Variants in LRRFIP1 observed in about 807,000 individuals in gnomAD.
The protein encoded by LRRFIP1 is LRR binding FLII interacting protein 1, also known as leucine-rich repeat flightless-interacting protein 1.
LRRFIP1 carries 62 observed loss-of-function variants against 104.4 expected under a neutral mutation model. The observed-to-expected ratio is 0.59, with a 90% CI of 0.48 to 0.73. LRRFIP1 has a LOEUF of 0.73. LRRFIP1 is among the 30% of genes least tolerant of loss of function. The probability of loss-of-function intolerance (pLI) is 0.00; values close to 1 mark genes in which losing one functional copy is unlikely to be tolerated. For synonymous variants in LRRFIP1, 300 were observed against 299.0 expected, an observed-to-expected ratio of 1.00 and a Z score of -0.03; for missense variants, 796 against 824.5, an observed-to-expected ratio of 0.97 and a Z score of 0.42.
chr2:237,718,179 G>A (rs2094412782), intron 4 of LRRFIP1, among the ~76,000 whole-genome samples: 1 of 152,254 alleles, frequency 6.6e-6, no homozygotes, highest in Non-Finnish European at 1.5e-5. Flanking sequence ...ACTTTCCAGA[G>A]AACATTCCCA....
intron 1 of LRRFIP1, among the ~76,000 whole-genome samples, chr2:237,669,026 A>T (rs1243380151): frequency 6.6e-6 from 1 of 152,152 alleles, no homozygotes; most frequent in Non-Finnish European, 1.5e-5. Flanking sequence ...GAAAGAAATA[A>T]GCGTAACTCT....
At chr2:237,752,011 G>A (rs2058683842) in intron 14 of LRRFIP1, among the ~76,000 whole-genome samples, 1 of 152,176 alleles carries the variant, frequency 6.6e-6, no homozygotes, top group African/African-American at 2.4e-5. Context: ...AAGGGCACCA[G>A]ACAGAGGAGG....
intron 1 of LRRFIP1, among the ~76,000 whole-genome samples, chr2:237,663,027 C>A (rs1184750232): frequency 6.6e-6 from 1 of 152,144 alleles, no homozygotes; most frequent in Non-Finnish European, 1.5e-5. Flanking sequence ...TCTCTGCCTG[C>A]GGGGTAGCCC....
chr2:237,682,315 C>T (rs1156311066), intron 1 of LRRFIP1, among the ~76,000 whole-genome samples: 2 of 152,236 alleles, frequency 1.3e-5, no homozygotes, highest in Non-Finnish European at 2.9e-5. Context: ...CTGTTACTTG[C>T]AGTCCTCCGG....
intron 1 of LRRFIP1, among the ~76,000 whole-genome samples, chr2:237,670,949 G>A (rs1559510322): frequency 6.6e-6 from 1 of 152,172 alleles, no homozygotes; most frequent in Admixed American, 6.5e-5. Flanking sequence ...GGAGTCCCAC[G>A]GAGGTCGTGA....
At chr2:237,676,899 G>A (rs114794489) in intron 1 of LRRFIP1, among the ~76,000 whole-genome samples, 1,864 of 152,332 alleles carry the variant, frequency 0.012, 27 homozygotes, top group East Asian at 0.047. Context: ...CTGATTTCAC[G>A]TGGAGTCTGT....
chr2:237,759,295 G>C (rs563912714), intron 18 of LRRFIP1, among the ~76,000 whole-genome samples: 1 of 152,084 alleles, frequency 6.6e-6, no homozygotes, highest in Admixed American at 6.6e-5. Context: ...CCACGCCAAG[G>C]CGTCTTCAGC....
chr2:237,727,504 GCTT>G (rs1326359448), intron 7 of LRRFIP1, among the ~76,000 whole-genome samples: 1 of 152,296 alleles, frequency 6.6e-6, no homozygotes, highest in East Asian at 1.9e-4. Flanking sequence ...CTGGCATGTG[GCTT>G]CTTGCAAGCA....
intron 1 of LRRFIP1, among the ~76,000 whole-genome samples, chr2:237,629,870 G>A (rs1009918242): frequency 2.0e-5 from 3 of 152,300 alleles, no homozygotes; most frequent in African/African-American, 4.8e-5. Flanking sequence ...GGGAGATGCA[G>A]TTGGAGTTAC....
intron 1 of LRRFIP1, among the ~76,000 whole-genome samples, chr2:237,694,373 A>G (rs1268530050): frequency 6.6e-6 from 1 of 152,104 alleles, no homozygotes; most frequent in Admixed American, 6.5e-5. Context: ...TCAGAGTGAG[A>G]CATGGTGAAC....
In LRRFIP1 at chr2:237,711,839, C is replaced by G. The variant is rs891815699; in HGVS notation, c.184-2420C>G. On this transcript the variant is annotated intron_variant, in intron 2 of 23. Coordinates refer to ENST00000308482, the MANE Select transcript of LRRFIP1 (RefSeq NM_001137550.2). The surrounding 1 kb of genome is among the most constrained non-coding windows in gnomAD (Gnocchi z 4.4). The stretch of plus-strand genomic sequence containing the variant: ...GGCAGCAGAGGATGGACATGGCAGA[C>G]AGGAAGCTGCCCTGGGAGACGAGAG... 1.2e-4 allele frequency among the ~76,000 whole-genome samples: 19 copies of G among 152,304 alleles called. No individual in the cohort carries two copies. Among genetic ancestry groups the G allele is most frequent in the Admixed American group, 1.1e-3 (17 of 15,300 alleles).
chr2:237,692,135 A>G (rs1323503582), intron 1 of LRRFIP1: 1 of 789,860 alleles, frequency 1.3e-6, no homozygotes, highest in Non-Finnish European at 1.4e-6. Flanking sequence ...GGCCCCTCCG[A>G]GGCGGAACTG....
chr2:237,763,175 C>G, intron 19 of LRRFIP1: 1 of 1,614,094 alleles, frequency 6.2e-7, no homozygotes. Flanking sequence ...CAAGGAGGTT[C>G]CAGCGCACAG....
chr2:237,643,890 T>G (rs1054752594), intron 1 of LRRFIP1, among the ~76,000 whole-genome samples: 7 of 152,238 alleles, frequency 4.6e-5, no homozygotes, highest in Non-Finnish European at 8.8e-5. Context: ...GGGATTTAAT[T>G]TGGCCAGGTG....
At chr2:237,700,380 G>C (rs1221931444) in intron 1 of LRRFIP1, among the ~76,000 whole-genome samples, 3 of 152,146 alleles carry the variant, frequency 2.0e-5, no homozygotes, top group Non-Finnish European at 4.4e-5. Flanking sequence ...GGCTTCGGCT[G>C]CATCATATTC....
In LRRFIP1 at chr2:237,711,092, T is replaced by C. The variant is rs1265320265; in HGVS notation, c.183+2462T>C. Among the ~76,000 whole-genome samples the C allele has an allele frequency of 1.3e-5, 2 of 151,976 alleles. No homozygotes were observed. The highest frequency in any genetic ancestry group is 2.9e-5 in the Non-Finnish European group (2 of 67,986). The stretch of plus-strand genomic sequence containing the variant: ...CTATCTCTTTCAAAAAGTAAAAAAA[T>C]AAAAAGTAGTTGCTACTCCAGATGG... On this transcript the variant is annotated intron_variant, in intron 2 of 23. Transcript: ENST00000308482. The surrounding 1 kb of genome is among the most constrained non-coding windows in gnomAD (Gnocchi z 4.4).
chr2:237,693,191 A>AC (rs757932605), intron 1 of LRRFIP1, among the ~76,000 whole-genome samples: 5 of 152,262 alleles, frequency 3.3e-5, no homozygotes, highest in Non-Finnish European at 7.3e-5. Context: ...TTGTGGTTGA[A>AC]CATGAATGGG....
rs748794829 is a variant in LRRFIP1, at chr2:237,763,698, A to G, written c.1459+3493A>G. On this transcript the variant is annotated intron_variant, in intron 19 of 23. Coordinates refer to ENST00000308482, the MANE Select transcript of LRRFIP1 (RefSeq NM_001137550.2). The stretch of plus-strand genomic sequence containing the variant: ...GGAAAACTTGACCAAGAAGGTGATG[A>G]TGTACAAACAGCAGCTGAGGAGGTA... The G allele has an allele frequency of 1.9e-6, 3 of 1,614,242 alleles. No homozygotes were observed. The African/African-American group carries it at 4.0e-5, about 22-fold the overall frequency.
At chr2:237,738,117 C>T (rs1410737231) in intron 10 of LRRFIP1, among the ~76,000 whole-genome samples, 1 of 151,760 alleles carries the variant, frequency 6.6e-6, no homozygotes, top group African/African-American at 2.4e-5. Context: ...CCCTGAAGAT[C>T]TATATGAGAT....
Sources: allele counts gnomAD v4.1 joint callset (sites outside exome capture counted in the v4.1 genomes callset), GRCh38; gene constraint gnomAD v4.1.1; non-coding constraint Gnocchi (gnomAD v3.1); transcripts MANE v1.5; gene names NCBI Gene and HGNC (gene_info 2026-07-23, HGNC 2026-07-21).